Variants in ARK2C observed in about 807,000 individuals in gnomAD.
ARK2C encodes arkadia (RNF111) C-terminal like ring finger ubiquitin ligase 2C.
the ARK2C span, among the ~76,000 whole-genome samples, chr18:46,391,184 G>A: frequency 6.6e-6 from 1 of 152,134 alleles, no homozygotes; most frequent in Non-Finnish European, 1.5e-5. Context: ...ACAGTTTACA[G>A]GTCACAGAGC....
chr18:46,433,571 G>C, the ARK2C span: 4 of 1,389,716 alleles, frequency 2.9e-6, no homozygotes, highest in African/African-American at 5.8e-5. Context: ...GGGCCAGGGC[G>C]TGGGCAGGGC....
the ARK2C span, among the ~76,000 whole-genome samples, chr18:46,426,295 G>A: frequency 6.6e-6 from 1 of 152,240 alleles, no homozygotes; most frequent in Non-Finnish European, 1.5e-5. Context: ...AGGCAAGGCA[G>A]TGAGCCTTTT....
the ARK2C span, among the ~76,000 whole-genome samples, chr18:46,360,330 G>A: frequency 2.6e-5 from 4 of 152,178 alleles, no homozygotes; most frequent in Non-Finnish European, 5.9e-5. Flanking sequence ...GGAACACAGA[G>A]GGTGCTCCCC....
chr18:46,411,259 C>T, the ARK2C span, among the ~76,000 whole-genome samples: 1,069 of 152,300 alleles, frequency 7.0e-3, 22 homozygotes, highest in African/African-American at 0.025. Flanking sequence ...AATAGGGTCA[C>T]TGGCAAGTAG....
At chr18:46,460,638 GACAA>G in the ARK2C span, 1 of 152,222 alleles carries the variant, frequency 6.6e-6, no homozygotes. Context: ...TTGGTACGAT[GACAA>G]ACAACTACGA....
the ARK2C span, among the ~76,000 whole-genome samples, chr18:46,453,047 A>C: frequency 6.6e-6 from 1 of 152,218 alleles, no homozygotes; most frequent in East Asian, 1.9e-4. Flanking sequence ...TGAGCTGCTG[A>C]TACCTTGATG....
chr18:46,440,151 T>C, the ARK2C span, among the ~76,000 whole-genome samples: 1 of 152,188 alleles, frequency 6.6e-6, no homozygotes, highest in South Asian at 2.1e-4. Context: ...TTACTCATCT[T>C]TGTTCTCTCG....
At chr18:46,392,141 AACACACATGCACACCACACACGTGTACC>A in the ARK2C span, among the ~76,000 whole-genome samples, 1 of 151,856 alleles carries the variant, frequency 6.6e-6, no homozygotes, top group African/African-American at 2.4e-5. Context: ...ATACACAACA[AACACACATGCACACCACACACGTGTACC>A]ACACACATGC....
chr18:46,446,554 C>T, the ARK2C span, among the ~76,000 whole-genome samples: 1 of 151,262 alleles, frequency 6.6e-6, no homozygotes, highest in African/African-American at 2.4e-5. Context: ...GCCTGTAGTC[C>T]CAGCTACTTG....
the ARK2C span, among the ~76,000 whole-genome samples, chr18:46,357,455 G>A: frequency 1.3e-5 from 2 of 152,232 alleles, no homozygotes; most frequent in African/African-American, 4.8e-5. Flanking sequence ...CAGGGTGTCA[G>A]GCAAGAAAAC....
the ARK2C span, among the ~76,000 whole-genome samples, chr18:46,445,418 C>T: frequency 6.6e-6 from 1 of 152,218 alleles, no homozygotes. Context: ...ACTGTCTAAT[C>T]TCTGGGAACC....
chr18:46,433,132 C>G, the ARK2C span: 1 of 1,373,240 alleles, frequency 7.3e-7, no homozygotes, highest in Non-Finnish European at 9.8e-7. Context: ...GCACAAGGGT[C>G]AGTGTGGCGG....
chr18:46,422,071 A>G, the ARK2C span, among the ~76,000 whole-genome samples: 1 of 152,170 alleles, frequency 6.6e-6, no homozygotes, highest in Non-Finnish European at 1.5e-5. Flanking sequence ...GACTGGAGCA[A>G]AAGAGGTTAA....
the ARK2C span, among the ~76,000 whole-genome samples, chr18:46,350,323 T>G: frequency 6.6e-6 from 1 of 152,214 alleles, no homozygotes; most frequent in African/African-American, 2.4e-5. Flanking sequence ...AGGCCACATT[T>G]GGTGTGCTCC....
At chr18:46,456,732 G>A in the ARK2C span, 1 of 855,616 alleles carries the variant, frequency 1.2e-6, no homozygotes, top group Non-Finnish European at 2.0e-6. Context: ...GCCATTTGAC[G>A]TAGAGGAAAA....
chr18:46,353,711 G>A, the ARK2C span, among the ~76,000 whole-genome samples: 3 of 152,216 alleles, frequency 2.0e-5, no homozygotes, highest in South Asian at 2.1e-4. Context: ...TTCCCACAGC[G>A]TTGTGGCCCC....
At chr18:46,388,605 G>A in the ARK2C span, among the ~76,000 whole-genome samples, 4 of 152,230 alleles carry the variant, frequency 2.6e-5, no homozygotes, top group African/African-American at 9.6e-5. Context: ...ATTGGGATCT[G>A]GGGAGCGATG....
the ARK2C span, among the ~76,000 whole-genome samples, chr18:46,389,159 G>A: frequency 6.6e-6 from 1 of 152,304 alleles, no homozygotes; most frequent in East Asian, 1.9e-4. Flanking sequence ...CCATCAGGTA[G>A]TGAGGACCAC....
the ARK2C span, among the ~76,000 whole-genome samples, chr18:46,374,155 C>G: frequency 3.3e-5 from 5 of 152,182 alleles, no homozygotes. Flanking sequence ...GCCCAGGCAG[C>G]TTGAACGAGT....
Sources: allele counts gnomAD v4.1 joint callset (sites outside exome capture counted in the v4.1 genomes callset), GRCh38; gene constraint gnomAD v4.1.1; transcripts MANE v1.5; gene names NCBI Gene and HGNC (gene_info 2026-07-23, HGNC 2026-07-21).